The following CPSF7 variants were observed in gnomAD, a reference collection of about 807,000 sequenced individuals.
CPSF7 encodes cleavage and polyadenylation specificity factor subunit 7.
A neutral mutation model predicts 44.3 loss-of-function variants in CPSF7; 1 was observed. The observed-to-expected ratio is 0.02, with a 90% confidence interval of 0.01 to 0.11. The LOEUF is 0.11. CPSF7 is among the 10% of genes least tolerant of loss of function. CPSF7 has a pLI of 1.00. For missense variants in CPSF7, 443 were observed against 607.2 expected (o/e 0.73, Z 2.84); for synonymous variants, 202 against 222.0 (o/e 0.91, Z 0.80).
intron 2 of CPSF7, among the ~76,000 whole-genome samples, chr11:61,425,712 C>A (rs1313623241): frequency 6.6e-6 from 1 of 152,170 alleles, no homozygotes; most frequent in African/African-American, 2.4e-5. Flanking sequence ...AAGGCTTAAT[C>A]AAAAATTTTG....
chr11:61,411,188 T>G, intron 8 of CPSF7, 83 bp from the exon 9 acceptor site: 1 of 1,371,118 alleles, frequency 7.3e-7, no homozygotes, highest in Non-Finnish European at 9.9e-7. Context: ...CTTCTGATAT[T>G]TGCCTAAACT....
chr11:61,412,130 ATGT>A (rs945157518), intron 7 of CPSF7, among the ~76,000 whole-genome samples, 193 bp from the exon 8 acceptor site: 1 of 152,130 alleles, frequency 6.6e-6, no homozygotes, highest in African/African-American at 2.4e-5. Context: ...AATTTAACAG[ATGT>A]TGTCAGATGA....
Position 61,429,505 on chromosome 11 carries a change from AGCGCCGCGTCT to A in CPSF7, c.-55-226_-55-216del, listed in dbSNP as rs1352985258. 11 of 526,146 alleles carry A rather than the reference AGCGCCGCGTCT, an allele frequency of 2.1e-5. No individual in the cohort carries two copies. The East Asian group carries it at 3.9e-4, about 19-fold the overall frequency. 32.6% of individuals were successfully genotyped at this position (526,146 alleles called of 1,614,324 possible). On this transcript the variant is annotated intron_variant, in intron 1 of 9. Transcript: ENST00000439958. Reference sequence around the variant, plus strand: ...CATCACCCTCGGGCCCGACCCGGGTAGCGCCGCGTCTGCGCCGCAGCTGCCTATGGCGCGAC... The same window carrying A: ...CATCACCCTCGGGCCCGACCCGGGTAGCGCCGCAGCTGCCTATGGCGCGAC...
At chr11:61,411,194 A>G (rs1216442891) in intron 8 of CPSF7, 89 bp from the exon 9 acceptor site, 4 of 1,335,000 alleles carry the variant, frequency 3.0e-6, no homozygotes, top group East Asian at 2.4e-5. Flanking sequence ...ATATTTGCCT[A>G]AACTATTCCT....
rs1389601703 is a variant in CPSF7, at chr11:61,429,972, C to T, written c.-114G>A. ...CTAGGCCCGAAGCGCGCGAACCGCT[C>T]TCCGCCCCAGGTCCCGCCCCCCCCG... On this transcript the variant is annotated 5_prime_UTR_variant, in exon 1 of 10. Coordinates refer to ENST00000439958, the MANE Select transcript of CPSF7 (RefSeq NM_001142565.3). The T allele has an allele frequency of 7.9e-7, 1 of 1,259,622 alleles. No individual in the cohort carries two copies. The highest frequency in any genetic ancestry group is 1.1e-6 in the Non-Finnish European group (1 of 945,078). 78.0% of individuals were successfully genotyped at this position (1,259,622 alleles called of 1,614,324 possible).
intron 5 of CPSF7, 89 bp downstream of exon 5, chr11:61,419,860 G>A: frequency 1.3e-6 from 2 of 1,528,328 alleles, no homozygotes; most frequent in Non-Finnish European, 1.8e-6. Flanking sequence ...TGTAGGCTAA[G>A]CCTACACCAT....
chr11:61,429,802 C>T, intron 1 of CPSF7, 112 bp downstream of exon 1: 1 of 1,548,462 alleles, frequency 6.5e-7, no homozygotes, highest in Non-Finnish European at 8.7e-7. Context: ...CCCGCGACTC[C>T]CTCCGCCCGC....
At position 61,416,302 on chromosome 11, in the gene CPSF7, A is replaced by C; in HGVS notation, c.741T>G (p.Pro247=). 2 of 1,543,864 alleles carry C rather than the reference A, an allele frequency of 1.3e-6. No individual in the cohort carries two copies. Among genetic ancestry groups the C allele is most frequent in the Non-Finnish European group, 1.7e-6 (2 of 1,146,062 alleles). Residue 247 remains proline (P), a synonymous_variant, in exon 6 of 10, where the codon CCT becomes CCG. Transcript: ENST00000439958. ...PPLSSSFGVP[P]PPPGIHYQHL... is the part of the protein sequence containing the mutation. ...GCTGGTAGTGGATACCAGGAGGAGG[A>C]GGAGGGACCCCAAAGCTTGAGGAGA... is the stretch of plus-strand genomic sequence containing the variant.
At chr11:61,405,961 T>C (rs547166611) in intron 9 of CPSF7, 1 of 152,262 alleles carries the variant, frequency 6.6e-6, no homozygotes. Flanking sequence ...TTGAATTCGA[T>C]CCAAATTGAA....
At chr11:61,415,818 C>T in intron 6 of CPSF7, 34 bp from the exon 7 acceptor site, 1 of 1,406,480 alleles carries the variant, frequency 7.1e-7, no homozygotes, top group African/African-American at 1.4e-5. Flanking sequence ...TGATTGCTCA[C>T]ATCCCTTATT....
chr11:61,429,702 A>C (rs1161137287), intron 1 of CPSF7: 1 of 1,522,514 alleles, frequency 6.6e-7, no homozygotes. Context: ...TCTGCCCCCA[A>C]CCCAGGCCTA....
intron 9 of CPSF7, among the ~76,000 whole-genome samples, chr11:61,409,151 A>G (rs1859611232): frequency 6.6e-6 from 1 of 152,012 alleles, no homozygotes; most frequent in African/African-American, 2.4e-5. Context: ...TGTCTATTAA[A>G]AAAACAAAAA....
At chr11:61,419,083 T>G (rs1860613124) in intron 5 of CPSF7, among the ~76,000 whole-genome samples, 1 of 152,012 alleles carries the variant, frequency 6.6e-6, no homozygotes, top group Non-Finnish European at 1.5e-5. Flanking sequence ...AGTGCAGTGG[T>G]CTGATCTCAG....
In CPSF7 at chr11:61,404,345, G is replaced by A. The variant is rs1859117504; in HGVS notation, c.*365C>T. On this transcript the variant is annotated 3_prime_UTR_variant, in exon 10 of 10. Coordinates refer to ENST00000439958, the MANE Select transcript of CPSF7 (RefSeq NM_001142565.3). ...AGGATCTATTTTCTTTGGGAAGGAA[G>A]TCTTCCCATCAACCTCACCATTGAA... 6.6e-6 allele frequency: 1 copy of A among 152,630 alleles called. No homozygotes were observed. Among genetic ancestry groups the A allele is most frequent in the Admixed American group, 6.5e-5 (1 of 15,272 alleles). The allele number at this position is 152,630 out of a possible 1,614,324, so 9.5% of individuals were successfully genotyped here.
Position 61,429,412 on chromosome 11 carries a change from C to A in CPSF7, c.-55-122G>T, listed in dbSNP as rs1212216770. On this transcript the variant is annotated intron_variant, in intron 1 of 9. Coordinates refer to ENST00000439958, the MANE Select transcript of CPSF7 (RefSeq NM_001142565.3). ...CATCCTGGCGGCCCCAGCTCGGCCC[C>A]ACCCGCTCCGCCCCGCCCCCGGCCT... 8 of 616,124 alleles carry A rather than the reference C, an allele frequency of 1.3e-5. No homozygotes were observed. In the East Asian group the frequency reaches 2.6e-4, roughly 20 times the overall value. 38.2% of individuals were successfully genotyped at this position (616,124 alleles called of 1,614,324 possible). A position where few individuals can be genotyped will look rare whatever the true frequency, so the allele number is the denominator to read the frequency against.
chr11:61,415,794 GAA>G lies in CPSF7; in HGVS notation c.939-12_939-11del. On this transcript the variant is annotated splice_polypyrimidine_tract_variant and intron_variant, in intron 6 of 9. Coordinates refer to ENST00000439958, the MANE Select transcript of CPSF7 (RefSeq NM_001142565.3). ...AGGGCCCGAATCTCGGCTGTACAGA[GAA>G]AATACCATCCTTGATTGCTCACATC... 1 of 1,542,140 alleles carries G rather than the reference GAA, an allele frequency of 6.5e-7. No individual in the cohort carries two copies. The highest frequency in any genetic ancestry group is 1.1e-5 in the South Asian group (1 of 89,586).
At chr11:61,404,840 G>T (rs1334677190) in intron 9 of CPSF7, 136 bp from the exon 10 acceptor site, 1 of 152,194 alleles carries the variant, frequency 6.6e-6, no homozygotes, top group Non-Finnish European at 1.5e-5. Context: ...GAGAATGCAA[G>T]TCTGGGAAAA....
chr11:61,429,890 C>A, intron 1 of CPSF7, 24 bp downstream of exon 1: 4 of 1,516,122 alleles, frequency 2.6e-6, no homozygotes, highest in Non-Finnish European at 3.5e-6. Flanking sequence ...GCCCAACCTG[C>A]CCCCGACCGC....
intron 9 of CPSF7, among the ~76,000 whole-genome samples, chr11:61,406,564 CG>C (rs1331519459): frequency 6.6e-6 from 1 of 152,074 alleles, no homozygotes; most frequent in Non-Finnish European, 1.5e-5. Flanking sequence ...CTATATCAAA[CG>C]GGTGACCAGG....
Sources: allele counts gnomAD v4.1 joint callset (sites outside exome capture counted in the v4.1 genomes callset), GRCh38; gene constraint gnomAD v4.1.1; transcripts MANE v1.5; gene names NCBI Gene and HGNC (gene_info 2026-07-23, HGNC 2026-07-21).